The following AKAP7 variants were observed in gnomAD, a reference collection of about 807,000 sequenced individuals.
The protein encoded by AKAP7 is A-kinase anchoring protein 7.
Under a neutral mutation model 39.5 loss-of-function variants are expected in AKAP7, and 39 were observed. The observed-to-expected ratio is 0.99, with a 90% CI of 0.76 to 1.29. The LOEUF (loss-of-function observed/expected upper bound fraction) is 1.29. Among genes scored for constraint, AKAP7 ranks in the 50% most tolerant of loss-of-function variants. AKAP7 has a pLI of 0.00. For synonymous variants in AKAP7, 140 were observed against 139.1 expected, an observed-to-expected ratio of 1.01 and a Z score of -0.05; for missense variants, 414 against 407.7, an observed-to-expected ratio of 1.02 and a Z score of -0.13.
chr6:131,220,888 T>C (rs895066222), intron 7 of AKAP7, among the ~76,000 whole-genome samples: 3 of 152,174 alleles, frequency 2.0e-5, no homozygotes, highest in African/African-American at 7.2e-5. Context: ...GCAAACCAAA[T>C]TGATAAATGT....
At chr6:131,192,845 G>C (rs1183714046) in intron 5 of AKAP7, among the ~76,000 whole-genome samples, 2 of 152,034 alleles carry the variant, frequency 1.3e-5, no homozygotes, top group African/African-American at 4.8e-5. Flanking sequence ...TGTGACTGTT[G>C]TAAGTAGGAT....
chr6:131,260,768 T>C (rs1239618962), intron 7 of AKAP7, among the ~76,000 whole-genome samples: 1 of 152,214 alleles, frequency 6.6e-6, no homozygotes, highest in African/African-American at 2.4e-5. Context: ...TTCACTATGA[T>C]AATAGTTTCT....
At chr6:131,253,844 A>G (rs1812643151) in intron 7 of AKAP7, among the ~76,000 whole-genome samples, 1 of 152,098 alleles carries the variant, frequency 6.6e-6, no homozygotes, top group Non-Finnish European at 1.5e-5. Flanking sequence ...TCCATAGTAT[A>G]TATATACCAC....
At chr6:131,190,898 A>G (rs1023703275) in intron 5 of AKAP7, among the ~76,000 whole-genome samples, 1 of 152,166 alleles carries the variant, frequency 6.6e-6, no homozygotes, top group Non-Finnish European at 1.5e-5. Flanking sequence ...AATCTGTCCC[A>G]TGAGACTGTA....
chr6:131,180,945 G>A lies in AKAP7; in HGVS notation c.589+11672G>A, dbSNP rs145026935. ...TTTAGATTTCTGGACCTGACTCTCTGTTTAACTATGTTTCTCTTTTTTTTG... is the reference window on the plus strand; with the variant it reads ...TTTAGATTTCTGGACCTGACTCTCTATTTAACTATGTTTCTCTTTTTTTTG... On this transcript the variant is annotated intron_variant, in intron 5 of 7. Transcript: ENST00000431975. 3.3e-5 allele frequency among the ~76,000 whole-genome samples: 5 copies of A among 149,758 alleles called. No homozygotes were observed. The East Asian group carries it at 9.8e-4, about 29-fold the overall frequency.
At chr6:131,268,539 C>G (rs527513371) in intron 7 of AKAP7, among the ~76,000 whole-genome samples, 1 of 152,226 alleles carries the variant, frequency 6.6e-6, no homozygotes, top group Admixed American at 6.5e-5. Context: ...GCCTGCGAAG[C>G]CCTCTGAGTT....
chr6:131,190,767 G>A (rs1244239637), intron 5 of AKAP7, among the ~76,000 whole-genome samples: 1 of 152,080 alleles, frequency 6.6e-6, no homozygotes, highest in Non-Finnish European at 1.5e-5. Context: ...AATGCCCACT[G>A]TTTTAATTTT....
chr6:131,256,725 T>A (rs188426480), intron 7 of AKAP7, among the ~76,000 whole-genome samples: 1 of 151,240 alleles, frequency 6.6e-6, no homozygotes, highest in African/African-American at 2.4e-5. Context: ...ATTATTATTA[T>A]TATTATTATT....
intron 7 of AKAP7, among the ~76,000 whole-genome samples, chr6:131,264,302 G>GT (rs1374428939): frequency 1.3e-5 from 2 of 152,134 alleles, no homozygotes; most frequent in African/African-American, 4.8e-5. Flanking sequence ...GGTGCATCTA[G>GT]AAACCTAAAA....
chr6:131,159,370 G>A (rs1379245927), intron 2 of AKAP7, among the ~76,000 whole-genome samples: 1 of 152,150 alleles, frequency 6.6e-6, no homozygotes, highest in Non-Finnish European at 1.5e-5. Flanking sequence ...TGGGATTACA[G>A]GCGTGAGCCA....
chr6:131,280,188 A>G (rs573961066), intron 7 of AKAP7, among the ~76,000 whole-genome samples: 3 of 152,302 alleles, frequency 2.0e-5, no homozygotes, highest in South Asian at 4.1e-4. Flanking sequence ...CAGATGTTCT[A>G]TCTTGGACAT....
rs762608109 is a variant in AKAP7 at position 131,281,739 on chromosome 6, G to A, written c.*13G>A. ...CAACAGGAAATGAGCCCGGAACGCA[G>A]GCCCCCATGTCTCTGTGCAAAGCCT... On this transcript the variant is annotated 3_prime_UTR_variant, in exon 8 of 8. Transcript: ENST00000431975. The surrounding 1 kb of genome is among the most constrained non-coding windows in gnomAD (Gnocchi z 4.0). The A allele has an allele frequency of 1.9e-6, 3 of 1,584,418 alleles. No individual in the cohort carries two copies. In the African/African-American group the frequency reaches 4.0e-5, roughly 21 times the overall value.
At chr6:131,160,472 G>A (rs1047223896) in intron 3 of AKAP7, among the ~76,000 whole-genome samples, 5 of 152,174 alleles carry the variant, frequency 3.3e-5, no homozygotes, top group African/African-American at 9.7e-5. Context: ...TTGAACTCCT[G>A]GACTCAAGCA....
At chr6:131,255,665 G>A (rs917712671) in intron 7 of AKAP7, among the ~76,000 whole-genome samples, 9 of 152,280 alleles carry the variant, frequency 5.9e-5, no homozygotes, top group Non-Finnish European at 1.0e-4. Flanking sequence ...AGCTGGATGG[G>A]AAACCCAGCT....
intron 1 of AKAP7, among the ~76,000 whole-genome samples, chr6:131,143,158 T>C (rs1328899564): frequency 6.6e-6 from 1 of 152,206 alleles, no homozygotes; most frequent in East Asian, 1.9e-4. Context: ...CGAGTTGACC[T>C]TGGGGGACTA....
intron 7 of AKAP7, among the ~76,000 whole-genome samples, chr6:131,263,508 T>C (rs3777486): frequency 0.12 from 17,806 of 152,262 alleles, 1,200 homozygotes; most frequent in Admixed American, 0.19. Flanking sequence ...GTATACACAT[T>C]GAAGACATTG....
chr6:131,179,671 C>T (rs947474490), intron 5 of AKAP7, among the ~76,000 whole-genome samples: 1 of 151,986 alleles, frequency 6.6e-6, no homozygotes, highest in African/African-American at 2.4e-5. Flanking sequence ...GGTTTAAGAC[C>T]AGCCTAGGCA....
intron 5 of AKAP7, among the ~76,000 whole-genome samples, chr6:131,181,892 G>A (rs539662500): frequency 2.1e-4 from 32 of 152,270 alleles, no homozygotes; most frequent in African/African-American, 7.7e-4. Flanking sequence ...GGAAGGCTGA[G>A]GCGGGTAGAT....
At chr6:131,174,684 T>C (rs1804405284) in intron 5 of AKAP7, among the ~76,000 whole-genome samples, 2 of 152,274 alleles carry the variant, frequency 1.3e-5, no homozygotes, top group Admixed American at 1.3e-4. Context: ...TTTTATAAGC[T>C]GTTTGTTCAA....
Sources: gnomAD v4.1 joint callset for allele counts (sites outside exome capture counted in the v4.1 genomes callset) on GRCh38, gnomAD v4.1.1 for gene constraint, Gnocchi (gnomAD v3.1) non-coding constraint, MANE v1.5 for transcripts, NCBI Gene and HGNC (gene_info 2026-07-23, HGNC 2026-07-21) for gene names.